ROBO1: variants seen among roughly 807,000 people sequenced by gnomAD.
ROBO1 encodes the protein roundabout guidance receptor 1.
In ROBO1, 149 loss-of-function variants were observed where a neutral mutation model predicts 195.9. The ratio of observed to expected loss-of-function variants is 0.76; its 90% CI spans 0.67 to 0.87. ROBO1 has a LOEUF of 0.87. Ranked by LOEUF, ROBO1 falls within the 40% of genes least tolerant of loss-of-function variation. The probability of loss-of-function intolerance (pLI) is 0.00; values close to 1 mark genes in which losing one functional copy is unlikely to be tolerated. For missense variants in ROBO1, 1,933 were observed against 2,068.3 expected (o/e 0.93, Z 1.27); for synonymous variants, 816 against 733.2 (o/e 1.11, Z -1.82).
rs1373695143 is a variant in ROBO1, at chr3:79,133,731, C to A, written c.89-8192G>T. On this transcript the variant is annotated intron_variant, in intron 2 of 30. Coordinates refer to ENST00000464233, the MANE Select transcript of ROBO1 (RefSeq NM_002941.4). ...GCTTTGTTCCGTTGCTGGTGAGGAA[C>A]TGCGTTCCTTTGGAGGAGGAGAGGC... Among the ~76,000 whole-genome samples, 31 of 119,402 alleles carry A rather than the reference C, an allele frequency of 2.6e-4. 1 individual carries two copies. In the East Asian group the frequency reaches 3.3e-3, roughly 13 times the overall value. 78.3% of individuals were successfully genotyped at this position (119,402 alleles called of 152,430 possible). A position where few individuals can be genotyped will look rare whatever the true frequency, so the allele number is the denominator to read the frequency against.
chr3:79,047,946 A>T (rs1257238642), intron 3 of ROBO1, among the ~76,000 whole-genome samples: 1 of 152,128 alleles, frequency 6.6e-6, no homozygotes, highest in South Asian at 2.1e-4. Flanking sequence ...GCATATAGGC[A>T]TATATACTTT....
intron 3 of ROBO1, among the ~76,000 whole-genome samples, chr3:79,010,232 G>A (rs992096646): frequency 6.6e-6 from 1 of 152,020 alleles, no homozygotes; most frequent in Non-Finnish European, 1.5e-5. Context: ...TATCTTTAAG[G>A]GAATAGTATA....
In ROBO1 at chr3:79,070,515, C is replaced by T. The variant is rs138150781; in HGVS notation, c.172+54941G>A. The stretch of plus-strand genomic sequence containing the variant: ...CAGCATGTTGAAGATATTATTCCAA[C>T]GTTTTCTGATATGTATTCTTGCTAA... On this transcript the variant is annotated intron_variant, in intron 3 of 30. Transcript: ENST00000464233. 1.4e-3 allele frequency among the ~76,000 whole-genome samples: 216 copies of T among 151,832 alleles called. 1 individual carries two copies. Among genetic ancestry groups the T allele is most frequent in the African/African-American group, 5.0e-3 (208 of 41,486 alleles).
intron 3 of ROBO1, among the ~76,000 whole-genome samples, chr3:79,072,429 A>G (rs554350412): frequency 6.6e-6 from 1 of 152,050 alleles, no homozygotes; most frequent in Admixed American, 6.6e-5. Flanking sequence ...AAAACCAAAT[A>G]ATATAGCAGT....
chr3:79,033,369 T>C, intron 3 of ROBO1, among the ~76,000 whole-genome samples: 1 of 152,266 alleles, frequency 6.6e-6, no homozygotes, highest in African/African-American at 2.4e-5. Flanking sequence ...AAGAGTTATT[T>C]ACCAATTAGA....
intron 2 of ROBO1, among the ~76,000 whole-genome samples, chr3:79,127,121 G>C (rs1312796169): frequency 2.0e-5 from 3 of 151,972 alleles, no homozygotes; most frequent in African/African-American, 7.3e-5. Context: ...CCTTAAAATA[G>C]ATGCTGCAAG....
At chr3:79,334,157 T>A (rs1413012073) in intron 2 of ROBO1, among the ~76,000 whole-genome samples, 1 of 151,512 alleles carries the variant, frequency 6.6e-6, no homozygotes, top group African/African-American at 2.4e-5. Context: ...ATTAAAAAAT[T>A]AGCCGGGCGT....
intron 1 of ROBO1, among the ~76,000 whole-genome samples, chr3:79,742,411 G>A (rs1341920745): frequency 6.6e-6 from 1 of 152,072 alleles, no homozygotes; most frequent in East Asian, 1.9e-4. Context: ...TATGTTTCAG[G>A]CTGCCGCTTC....
intron 2 of ROBO1, among the ~76,000 whole-genome samples, chr3:79,369,441 C>T (rs1395535919): frequency 6.6e-6 from 1 of 152,220 alleles, no homozygotes; most frequent in African/African-American, 2.4e-5. Flanking sequence ...CCTAACTACA[C>T]TCTTGTTCTA....
rs1418498515 is a variant in ROBO1 at position 79,242,980 on chromosome 3, C to G, written c.89-117441G>C. ...TATATCTCCTAATGCTATCCCTCCC[C>G]CCTCCCCCCCACCCCACAACATGCC... On this transcript the variant is annotated intron_variant, in intron 2 of 30. Transcript: ENST00000464233. Among the ~76,000 whole-genome samples the G allele has an allele frequency of 3.1e-4, 32 of 102,916 alleles. 1 individual carries two copies. The highest frequency in any genetic ancestry group is 1.6e-3 in the Admixed American group (16 of 9,706). 67.5% of individuals were successfully genotyped at this position (102,916 alleles called of 152,430 possible).
intron 2 of ROBO1, among the ~76,000 whole-genome samples, chr3:79,434,697 G>A (rs1197283892): frequency 6.6e-6 from 1 of 152,106 alleles, no homozygotes; most frequent in African/African-American, 2.4e-5. Flanking sequence ...ATTTGACCCA[G>A]CCATCCCATT....
At chr3:78,918,179 A>C (rs1263423830) in intron 4 of ROBO1, among the ~76,000 whole-genome samples, 1 of 152,216 alleles carries the variant, frequency 6.6e-6, no homozygotes, top group East Asian at 1.9e-4. Context: ...ATGGTAAACC[A>C]TTTATGGAAA....
chr3:79,065,846 T>C (rs2078994724), intron 3 of ROBO1, among the ~76,000 whole-genome samples: 1 of 151,984 alleles, frequency 6.6e-6, no homozygotes. Context: ...AGCAAAATTA[T>C]AGATGATGGT....
intron 5 of ROBO1, among the ~76,000 whole-genome samples, chr3:78,725,777 A>G (rs752975112): frequency 9.2e-5 from 14 of 152,202 alleles, no homozygotes; most frequent in Non-Finnish European, 1.5e-4. Context: ...ACATAAATTC[A>G]TAAGTTTTTT....
At position 78,654,834 on chromosome 3, in the gene ROBO1, C is replaced by T. The variant is rs116234607; in HGVS notation, c.2614+2264G>A. 1.0e-2 allele frequency among the ~76,000 whole-genome samples: 1,521 copies of T among 152,222 alleles called. 32 individuals are homozygous for T. Among genetic ancestry groups the T allele is most frequent in the African/African-American group, 0.035 (1,443 of 41,542 alleles). On this transcript the variant is annotated intron_variant, in intron 18 of 30. Coordinates refer to ENST00000464233, the MANE Select transcript of ROBO1 (RefSeq NM_002941.4). ...CCAATTTATCTTCCAAAAAACAGAA[C>T]TAAATAATCTTCAGTCATAAAAATA...
chr3:79,586,942 A>C (rs567511854), intron 2 of ROBO1, among the ~76,000 whole-genome samples: 8 of 152,016 alleles, frequency 5.3e-5, no homozygotes, highest in Admixed American at 2.0e-4. Context: ...TTAACATGAA[A>C]AACATCTACC....
intron 2 of ROBO1, among the ~76,000 whole-genome samples, chr3:79,495,625 C>T (rs1939686379): frequency 2.0e-5 from 3 of 152,022 alleles, no homozygotes; most frequent in Non-Finnish European, 2.9e-5. Flanking sequence ...TGATTTCTGC[C>T]ATTCATTGTT....
chr3:79,674,693 C>T (rs1946729308), intron 1 of ROBO1, among the ~76,000 whole-genome samples: 1 of 151,634 alleles, frequency 6.6e-6, no homozygotes, highest in African/African-American at 2.4e-5. Flanking sequence ...CTCTCCTAGG[C>T]AATGATTTAA....
intron 3 of ROBO1, among the ~76,000 whole-genome samples, chr3:79,077,168 C>G (rs2079188597): frequency 6.6e-6 from 1 of 151,888 alleles, no homozygotes; most frequent in Non-Finnish European, 1.5e-5. Flanking sequence ...AACGTTTTTA[C>G]TCTTTGAGCA....
Sources: gnomAD v4.1 joint callset for allele counts (sites outside exome capture counted in the v4.1 genomes callset) on GRCh38, gnomAD v4.1.1 for gene constraint, MANE v1.5 for transcripts, NCBI Gene and HGNC (gene_info 2026-07-23, HGNC 2026-07-21) for gene names.